KCNB2: variants seen among roughly 807,000 people sequenced by gnomAD.
KCNB2 encodes the protein delayed rectifier potassium channel protein.
A neutral mutation model predicts 61.5 loss-of-function variants in KCNB2; 15 were observed. The observed-to-expected ratio is 0.24, with a 90% CI of 0.16 to 0.38. The LOEUF is 0.38. KCNB2 is among the 10% of genes least tolerant of loss of function. KCNB2 has a pLI of 1.00. For synonymous variants in KCNB2, 457 were observed against 446.0 expected (o/e 1.02, Z -0.31); for missense variants, 828 against 1,125.2 (o/e 0.74, Z 3.78).
intron 2 of KCNB2, among the ~76,000 whole-genome samples, chr8:72,850,750 T>C (rs1004467771): frequency 6.6e-6 from 1 of 152,226 alleles, no homozygotes; most frequent in Non-Finnish European, 1.5e-5. Context: ...CTGAATGAGA[T>C]GCAGAAAGTT....
chr8:72,728,565 C>G (rs1369511966), intron 2 of KCNB2, among the ~76,000 whole-genome samples: 1 of 152,160 alleles, frequency 6.6e-6, no homozygotes, highest in Non-Finnish European at 1.5e-5. Context: ...TAGCCATGGT[C>G]TGTGACACCA....
chr8:72,688,471 C>A (rs949615462), intron 2 of KCNB2, among the ~76,000 whole-genome samples: 1 of 151,958 alleles, frequency 6.6e-6, no homozygotes, highest in Non-Finnish European at 1.5e-5. Flanking sequence ...AAAAATATCT[C>A]CCCCAACAAT....
intron 2 of KCNB2, among the ~76,000 whole-genome samples, chr8:72,652,808 A>G (rs1255708806): frequency 6.6e-6 from 1 of 152,116 alleles, no homozygotes; most frequent in Admixed American, 6.6e-5. Flanking sequence ...AATCTGTGTT[A>G]CTTTCCTAGG....
intron 2 of KCNB2, among the ~76,000 whole-genome samples, chr8:72,749,634 A>G (rs1808148942): frequency 6.6e-6 from 1 of 150,912 alleles, no homozygotes; most frequent in Non-Finnish European, 1.5e-5. Flanking sequence ...AAGAGAGGTA[A>G]CATTTTACAC....
intron 2 of KCNB2, among the ~76,000 whole-genome samples, chr8:72,780,191 C>T (rs181788606): frequency 1.0e-3 from 157 of 152,168 alleles, no homozygotes; most frequent in African/African-American, 3.6e-3. Flanking sequence ...GTATAACTTA[C>T]GACTGTCTCT....
intron 2 of KCNB2, among the ~76,000 whole-genome samples, chr8:72,778,162 T>C (rs925660418): frequency 2.0e-5 from 3 of 152,238 alleles, no homozygotes; most frequent in African/African-American, 7.2e-5. Flanking sequence ...CTGTGTGATA[T>C]TTATAATTAA....
At chr8:72,748,056 G>A (rs1311547275) in intron 2 of KCNB2, among the ~76,000 whole-genome samples, 1 of 152,098 alleles carries the variant, frequency 6.6e-6, no homozygotes, top group Non-Finnish European at 1.5e-5. Flanking sequence ...ATGAAAACAG[G>A]GTGGTACCCA....
intron 2 of KCNB2, among the ~76,000 whole-genome samples, chr8:72,807,268 G>A (rs1809240297): frequency 6.6e-6 from 1 of 152,170 alleles, no homozygotes; most frequent in Admixed American, 6.6e-5. Flanking sequence ...CCTCCCAAAA[G>A]AGCTCTTGAG....
intron 2 of KCNB2, among the ~76,000 whole-genome samples, chr8:72,785,359 C>A (rs979563316): frequency 6.6e-6 from 1 of 152,116 alleles, no homozygotes; most frequent in Non-Finnish European, 1.5e-5. Flanking sequence ...TTGGGAATTG[C>A]CTACGTTTGT....
chr8:72,631,052 G>A (rs576832372), intron 2 of KCNB2, among the ~76,000 whole-genome samples: 3 of 152,136 alleles, frequency 2.0e-5, no homozygotes, highest in South Asian at 4.2e-4. Context: ...TGATAAATTA[G>A]GCACAATAAG....
chr8:72,725,583 ATATGTATG>A (rs1376208233), intron 2 of KCNB2, among the ~76,000 whole-genome samples: 6,720 of 81,934 alleles, frequency 0.082, 423 homozygotes, highest in African/African-American at 0.23. Flanking sequence ...ATGTATATAT[ATATGTATG>A]TATATATATA....
intron 2 of KCNB2, among the ~76,000 whole-genome samples, chr8:72,639,187 A>G (rs1806013978): frequency 6.6e-6 from 1 of 152,150 alleles, no homozygotes; most frequent in African/African-American, 2.4e-5. Flanking sequence ...GAAACTGATG[A>G]ACACATCTTC....
chr8:72,740,579 CAAA>C (rs976218889), intron 2 of KCNB2, among the ~76,000 whole-genome samples: 6 of 152,110 alleles, frequency 3.9e-5, no homozygotes, highest in African/African-American at 1.2e-4. Context: ...GGCCCATGAA[CAAA>C]TGGCTGCCAA....
chr8:72,585,164 G>T (rs10095609), intron 2 of KCNB2, among the ~76,000 whole-genome samples: 18,417 of 151,598 alleles, frequency 0.12, 1,499 homozygotes, highest in East Asian at 0.49. Flanking sequence ...TAAATAAGGG[G>T]TTTTTTTTTG....
chr8:72,794,288 C>T (rs1400146961), intron 2 of KCNB2, among the ~76,000 whole-genome samples: 3 of 152,180 alleles, frequency 2.0e-5, no homozygotes, highest in Middle Eastern at 3.4e-3. Flanking sequence ...AAATGGTGGC[C>T]GGACACGGTG....
chr8:72,845,733 C>T (rs1012865021), intron 2 of KCNB2, among the ~76,000 whole-genome samples: 7 of 152,096 alleles, frequency 4.6e-5, no homozygotes, highest in Non-Finnish European at 8.8e-5. Flanking sequence ...GCTTTGATTA[C>T]ACCGTGAGGG....
intron 2 of KCNB2, among the ~76,000 whole-genome samples, chr8:72,796,049 T>C (rs1174477471): frequency 2.6e-5 from 4 of 152,148 alleles, no homozygotes; most frequent in Admixed American, 6.5e-5. Flanking sequence ...AAAGTAAAGC[T>C]CCTTTCTTAC....
chr8:72,654,311 A>G (rs184282357), intron 2 of KCNB2, among the ~76,000 whole-genome samples: 1 of 152,328 alleles, frequency 6.6e-6, no homozygotes, highest in Non-Finnish European at 1.5e-5. Flanking sequence ...ATCATGAAGT[A>G]TATCTCAGGC....
chr8:72,574,149 A>G (rs181122928), intron 2 of KCNB2, among the ~76,000 whole-genome samples: 1 of 152,326 alleles, frequency 6.6e-6, no homozygotes, highest in East Asian at 1.9e-4. Flanking sequence ...TAAAATAGAA[A>G]ACACCATTGG....
Sources: allele counts gnomAD v4.1 joint callset (sites outside exome capture counted in the v4.1 genomes callset), GRCh38; gene constraint gnomAD v4.1.1; transcripts MANE v1.5; gene names NCBI Gene and HGNC (gene_info 2026-07-23, HGNC 2026-07-21).